SKAP1: variants seen among roughly 807,000 people sequenced by gnomAD.
SKAP1 encodes the protein src kinase-associated phosphoprotein 1.
In SKAP1, 44 loss-of-function variants were observed where a neutral mutation model predicts 58.5. That is an observed-to-expected ratio of 0.75 (90% CI 0.59 to 0.97). The LOEUF (loss-of-function observed/expected upper bound fraction) is 0.97. SKAP1 is among the 50% of genes least tolerant of loss of function. The probability of loss-of-function intolerance (pLI) is 0.00; values close to 1 mark genes in which losing one functional copy is unlikely to be tolerated. For missense variants in SKAP1, 390 were observed against 435.2 expected (o/e 0.90, Z 0.92); for synonymous variants, 127 against 149.7 (o/e 0.85, Z 1.11).
chr17:48,429,223 C>G (rs1442522010), intron 1 of SKAP1, among the ~76,000 whole-genome samples: 2 of 152,228 alleles, frequency 1.3e-5, no homozygotes, highest in Non-Finnish European at 2.9e-5. Context: ...GATTCCAGGC[C>G]TCTGTCCTCC....
intron 12 of SKAP1, among the ~76,000 whole-genome samples, chr17:48,134,707 A>T (rs1246202287): frequency 6.6e-6 from 1 of 151,862 alleles, no homozygotes; most frequent in Non-Finnish European, 1.5e-5. Flanking sequence ...TTTGTTTTTT[A>T]TTTTTATTTA....
chr17:48,437,205 G>A, the SKAP1 span, among the ~76,000 whole-genome samples: 1 of 152,248 alleles, frequency 6.6e-6, no homozygotes, highest in Non-Finnish European at 1.5e-5. Context: ...CCACCAAATT[G>A]TTATTTCCTC....
intron 3 of SKAP1, among the ~76,000 whole-genome samples, chr17:48,357,588 C>A (rs1366879543): frequency 6.6e-6 from 1 of 152,088 alleles, no homozygotes; most frequent in Non-Finnish European, 1.5e-5. Context: ...CAAGATCGTG[C>A]CACTGCACTC....
At chr17:48,397,816 T>G (rs1359940508) in intron 1 of SKAP1, among the ~76,000 whole-genome samples, 1 of 152,078 alleles carries the variant, frequency 6.6e-6, no homozygotes, top group Non-Finnish European at 1.5e-5. Flanking sequence ...AGGGACATGA[T>G]AGAAATACAT....
chr17:48,387,575 T>C (rs1341711901), intron 2 of SKAP1, among the ~76,000 whole-genome samples: 1 of 152,224 alleles, frequency 6.6e-6, no homozygotes. Flanking sequence ...CTTGAGAGAC[T>C]GTCCTAATAT....
At chr17:48,271,304 A>C (rs1216318172) in intron 4 of SKAP1, among the ~76,000 whole-genome samples, 1 of 151,558 alleles carries the variant, frequency 6.6e-6, no homozygotes, top group African/African-American at 2.4e-5. Flanking sequence ...AGTCAACAAA[A>C]TAGCAATATT....
At chr17:48,320,797 T>C (rs2066352723) in intron 4 of SKAP1, among the ~76,000 whole-genome samples, 1 of 152,082 alleles carries the variant, frequency 6.6e-6, no homozygotes, top group Non-Finnish European at 1.5e-5. Flanking sequence ...TTACTATCAG[T>C]AATAGTGGTA....
intron 4 of SKAP1, among the ~76,000 whole-genome samples, chr17:48,228,152 G>A (rs1371660734): frequency 2.0e-5 from 3 of 152,004 alleles, no homozygotes; most frequent in Admixed American, 2.0e-4. Context: ...ATAAGATGTG[G>A]GGGTGGGGTA....
In SKAP1 at chr17:48,187,856, A is replaced by G. The variant is rs1358727915; in HGVS notation, c.429T>C (p.Tyr143=). The G allele has an allele frequency of 1.2e-6, 2 of 1,609,210 alleles. No homozygotes were observed. Among genetic ancestry groups the G allele is most frequent in the Non-Finnish European group, 1.7e-6 (2 of 1,175,676 alleles). The part of the protein sequence containing the change: ...CVVSRGLFYY[Y]ANEKSKQPKG... ...AAGAACACTTACTCTTCTCATTAGCATAGTAGTAGAAGAGACCTCTGCTGA... is the reference window on the plus strand; with the variant it reads ...AAGAACACTTACTCTTCTCATTAGCGTAGTAGTAGAAGAGACCTCTGCTGA... Residue 143 remains tyrosine (Y), a synonymous_variant, in exon 6 of 13, where the codon TAT becomes TAC. Coordinates refer to ENST00000336915, the MANE Select transcript of SKAP1 (RefSeq NM_003726.4).
chr17:48,332,671 T>C (rs1410366721), intron 4 of SKAP1, among the ~76,000 whole-genome samples: 10 of 152,132 alleles, frequency 6.6e-5, no homozygotes. Flanking sequence ...ATAGAATATA[T>C]CCTTTTCTAA....
chr17:48,139,643 T>A (rs554395709), intron 11 of SKAP1, among the ~76,000 whole-genome samples: 6 of 152,060 alleles, frequency 3.9e-5, no homozygotes, highest in Admixed American at 6.6e-5. Flanking sequence ...AAATTCAGAG[T>A]CCCTAGCATT....
At chr17:48,177,409 T>A (rs1182178001) in intron 9 of SKAP1, among the ~76,000 whole-genome samples, 2 of 152,176 alleles carry the variant, frequency 1.3e-5, no homozygotes, top group African/African-American at 4.8e-5. Context: ...CCTCAGCACA[T>A]CCATCTGAGA....
rs1482631325 is a variant in SKAP1 at position 48,388,083 on chromosome 17, T to A, written c.152+8597A>T. Among the ~76,000 whole-genome samples the A allele has an allele frequency of 1.2e-4, 18 of 152,008 alleles. 1 individual carries two copies. Among genetic ancestry groups the A allele is most frequent in the Admixed American group, 1.0e-3 (16 of 15,264 alleles). Reference sequence around the variant, plus strand: ...AGTCTATGATTTTCTGAAACCAGAGTGAATAAAATCCATGGTTCCTGAAAT... The same window carrying A: ...AGTCTATGATTTTCTGAAACCAGAGAGAATAAAATCCATGGTTCCTGAAAT... On this transcript the variant is annotated intron_variant, in intron 2 of 12. Coordinates refer to ENST00000336915, the MANE Select transcript of SKAP1 (RefSeq NM_003726.4).
chr17:48,206,301 T>G (rs945169453), intron 4 of SKAP1, among the ~76,000 whole-genome samples: 2 of 152,234 alleles, frequency 1.3e-5, no homozygotes, highest in Admixed American at 1.3e-4. Flanking sequence ...AAGAGATGCA[T>G]AGGGTGAGGT....
intron 4 of SKAP1, among the ~76,000 whole-genome samples, chr17:48,322,995 C>T (rs576485806): frequency 1.3e-5 from 2 of 152,090 alleles, no homozygotes; most frequent in African/African-American, 4.8e-5. Flanking sequence ...ACCCAGGAGG[C>T]TAAGGCAGGA....
At chr17:48,229,928 T>C (rs1053115031) in intron 4 of SKAP1, among the ~76,000 whole-genome samples, 1 of 152,086 alleles carries the variant, frequency 6.6e-6, no homozygotes, top group African/African-American at 2.4e-5. Context: ...GAGAAATGAG[T>C]CTTGGGCTTG....
chr17:48,193,013 A>G (rs1236497563), intron 4 of SKAP1, among the ~76,000 whole-genome samples: 1 of 152,168 alleles, frequency 6.6e-6, no homozygotes, highest in Non-Finnish European at 1.5e-5. Flanking sequence ...GTTTTTGTGT[A>G]TAGTCAGTAA....
At chr17:48,338,649 A>G (rs1308416619) in intron 4 of SKAP1, among the ~76,000 whole-genome samples, 1 of 152,174 alleles carries the variant, frequency 6.6e-6, no homozygotes, top group East Asian at 1.9e-4. Context: ...ATGTGAGAGC[A>G]CTTTACTGGG....
chr17:48,388,214 T>A (rs12938640), intron 2 of SKAP1, among the ~76,000 whole-genome samples: 50,668 of 151,834 alleles, frequency 0.33, 9,146 homozygotes, highest in African/African-American at 0.47. Context: ...GGCAGGCGGA[T>A]CATGAGGTCA....
Sources: gnomAD v4.1 joint callset for allele counts (sites outside exome capture counted in the v4.1 genomes callset) on GRCh38, gnomAD v4.1.1 for gene constraint, MANE v1.5 for transcripts, NCBI Gene and HGNC (gene_info 2026-07-23, HGNC 2026-07-21) for gene names.